PHLDB2: variants seen among roughly 807,000 people sequenced by gnomAD.
The protein encoded by PHLDB2 is pleckstrin homology-like domain family B member 2.
PHLDB2 carries 71 observed loss-of-function variants against 123.6 expected under a neutral mutation model. That is an observed-to-expected ratio of 0.57 (90% CI 0.47 to 0.70). The LOEUF (loss-of-function observed/expected upper bound fraction) is 0.70, where lower values mean the gene tolerates loss of function less well. Ranked by LOEUF, PHLDB2 falls within the 30% of genes least tolerant of loss-of-function variation. The pLI is 0.00. For missense variants in PHLDB2, 1,446 were observed against 1,519.5 expected (o/e 0.95, Z 0.80); for synonymous variants, 547 against 541.6 (o/e 1.01, Z -0.14).
chr3:111,818,455 A>G (rs1350485859), intron 1 of PHLDB2, among the ~76,000 whole-genome samples: 5 of 152,122 alleles, frequency 3.3e-5, no homozygotes, highest in Admixed American at 3.3e-4. Flanking sequence ...AAAGTCTCAA[A>G]TCTTCTACTT....
At chr3:111,787,749 A>G (rs1193332326) in intron 1 of PHLDB2, among the ~76,000 whole-genome samples, 1 of 152,144 alleles carries the variant, frequency 6.6e-6, no homozygotes, top group Non-Finnish European at 1.5e-5. Context: ...GCCACGGCCA[A>G]GAAGAAAGGA....
chr3:111,832,647 G>A (rs2063108662), intron 1 of PHLDB2, among the ~76,000 whole-genome samples: 1 of 136,114 alleles, frequency 7.3e-6, no homozygotes, highest in Non-Finnish European at 1.5e-5. Flanking sequence ...TGTAAATAAT[G>A]CCATTATACA....
At chr3:111,969,949 A>G (rs752043962) in intron 16 of PHLDB2, 40 bp downstream of exon 16, 4 of 1,587,142 alleles carry the variant, frequency 2.5e-6, no homozygotes, top group East Asian at 4.5e-5. Context: ...ACTCAAATCA[A>G]GAACCCCCTG....
At chr3:111,794,411 A>G (rs2061063726) in intron 1 of PHLDB2, among the ~76,000 whole-genome samples, 1 of 152,164 alleles carries the variant, frequency 6.6e-6, no homozygotes, top group Non-Finnish European at 1.5e-5. Context: ...AGTCTTTCCT[A>G]TCTTCTTCAG....
At chr3:111,774,457 C>T (rs1293945711) in intron 1 of PHLDB2, among the ~76,000 whole-genome samples, 6 of 152,122 alleles carry the variant, frequency 3.9e-5, no homozygotes, top group African/African-American at 9.7e-5. Context: ...GCTAGGGATG[C>T]GAGCCCCGAG....
intron 1 of PHLDB2, among the ~76,000 whole-genome samples, chr3:111,834,235 AT>A (rs1162059930): frequency 1.0e-5 from 1 of 98,548 alleles, no homozygotes; most frequent in East Asian, 3.2e-4. Flanking sequence ...TATATTATGT[AT>A]ATAATAGAAT....
intron 1 of PHLDB2, 186 bp downstream of exon 1, chr3:111,859,762 C>G (rs2064710446): frequency 9.1e-6 from 9 of 984,948 alleles, no homozygotes; most frequent in African/African-American, 1.8e-5. Context: ...GACTGCTCAC[C>G]GCGAGTCAGG....
At chr3:111,780,321 G>A (rs28719697) in intron 1 of PHLDB2, among the ~76,000 whole-genome samples, 135 of 3,630 alleles carry the variant, frequency 0.037, 14 homozygotes, top group East Asian at 0.33. Context: ...AAGAGGAAGA[G>A]GAAGAAGAAG....
chr3:111,871,327 A>T (rs1399661614), intron 1 of PHLDB2, among the ~76,000 whole-genome samples: 1 of 152,224 alleles, frequency 6.6e-6, no homozygotes, highest in Non-Finnish European at 1.5e-5. Context: ...TACAACAGAC[A>T]TTTAAATTTG....
rs535928167 is a variant in PHLDB2, at chr3:111,801,163, C to T, written c.-48-44658C>T. 2.6e-5 allele frequency among the ~76,000 whole-genome samples: 4 copies of T among 152,142 alleles called. No homozygotes were observed. In the East Asian group the frequency reaches 5.8e-4, roughly 22 times the overall value. On this transcript the variant is annotated intron_variant, in intron 1 of 17. Transcript: ENST00000393923. ...AGAACTGGCCACATAAATTACAGGG[C>T]CCAGTGGAAAATGAAATACAAGGCC... is the stretch of plus-strand genomic sequence containing the variant.
intron 1 of PHLDB2, among the ~76,000 whole-genome samples, chr3:111,872,757 G>A (rs906479041): frequency 2.0e-5 from 3 of 152,268 alleles, no homozygotes; most frequent in African/African-American, 4.8e-5. Context: ...ATCAGTAGCC[G>A]TTGTTGTCAC....
intron 6 of PHLDB2, among the ~76,000 whole-genome samples, chr3:111,935,023 T>C: frequency 6.6e-6 from 1 of 151,718 alleles, no homozygotes; most frequent in East Asian, 1.9e-4. Context: ...AAGAAAACTG[T>C]CCCAGCCAGG....
chr3:111,937,042 A>C (rs2069537919), intron 6 of PHLDB2, among the ~76,000 whole-genome samples: 1 of 152,250 alleles, frequency 6.6e-6, no homozygotes, highest in South Asian at 2.1e-4. Context: ...CTTGAAATTG[A>C]GCACATATTT....
At chr3:111,789,099 A>T (rs2060808122) in intron 1 of PHLDB2, among the ~76,000 whole-genome samples, 1 of 152,222 alleles carries the variant, frequency 6.6e-6, no homozygotes, top group Non-Finnish European at 1.5e-5. Flanking sequence ...TACTTTTCCC[A>T]ATCGTCACTG....
intron 6 of PHLDB2, among the ~76,000 whole-genome samples, chr3:111,934,965 A>G (rs1259739769): frequency 6.6e-6 from 1 of 152,212 alleles, no homozygotes; most frequent in East Asian, 1.9e-4. Flanking sequence ...AAATTTTTTT[A>G]ATCAAGACCA....
chr3:111,761,075 C>G (rs2108011540), intron 1 of PHLDB2, among the ~76,000 whole-genome samples: 1 of 151,220 alleles, frequency 6.6e-6, no homozygotes, highest in African/African-American at 2.4e-5. Context: ...GTCCCAGCTA[C>G]TAGGGAGGCT....
At chr3:111,828,812 C>CA (rs559300666) in intron 1 of PHLDB2, among the ~76,000 whole-genome samples, 4 of 150,770 alleles carry the variant, frequency 2.7e-5, no homozygotes, top group Non-Finnish European at 5.9e-5. Context: ...AACAAACAAA[C>CA]AAAAAAGATT....
intron 2 of PHLDB2, among the ~76,000 whole-genome samples, chr3:111,907,663 T>A (rs2067629241): frequency 6.6e-6 from 1 of 152,058 alleles, no homozygotes; most frequent in African/African-American, 2.4e-5. Flanking sequence ...TCCCAGCTGA[T>A]TTTTGTATTT....
At chr3:111,780,399 A>AG (rs72585120) in intron 1 of PHLDB2, among the ~76,000 whole-genome samples, 2,917 of 74,376 alleles carry the variant, frequency 0.039, 988 homozygotes, top group East Asian at 0.11. Flanking sequence ...AAGAAGAAGA[A>AG]GAAGAAGAAG....
Sources: gnomAD v4.1 joint callset for allele counts (sites outside exome capture counted in the v4.1 genomes callset) on GRCh38, gnomAD v4.1.1 for gene constraint, MANE v1.5 for transcripts, NCBI Gene and HGNC (gene_info 2026-07-23, HGNC 2026-07-21) for gene names.